Variants in DELE1 observed in about 807,000 individuals in gnomAD.
The protein encoded by DELE1 is death ligand signal enhancer.
DELE1 carries 54 observed loss-of-function variants against 59.3 expected under a neutral mutation model. That is an observed-to-expected ratio of 0.91 (90% CI 0.73 to 1.14). The LOEUF is 1.14. Among genes scored for constraint, DELE1 ranks in the 50% most tolerant of loss-of-function variants. The pLI is 0.00. For synonymous variants in DELE1, 264 were observed against 259.1 expected (o/e 1.02, Z -0.18); for missense variants, 636 against 643.9 (o/e 0.99, Z 0.13).
Position 141,928,232 on chromosome 5 carries a change from GAACACTGCTCCT to G in DELE1, c.347_358del (p.Glu116_Trp120delinsGly). 6.2e-7 allele frequency: 1 copy of G among 1,614,218 alleles called. No homozygotes were observed. The highest frequency in any genetic ancestry group is 1.3e-5 in the African/African-American group (1 of 75,070). Reference sequence around the variant, plus strand: ...CCTGCCAGCAGGACCTCAGCGGGTAGAACACTGCTCCTGGCACAGTCCCCTGGACCGTTTCTT... The same window carrying G: ...CCTGCCAGCAGGACCTCAGCGGGTAGGGCACAGTCCCCTGGACCGTTTCTT... On this transcript the variant is annotated inframe_deletion, in exon 4 of 12. Coordinates refer to ENST00000432126, the MANE Select transcript of DELE1 (RefSeq NM_014773.5).
intron 4 of DELE1, among the ~76,000 whole-genome samples, chr5:141,929,130 G>A (rs1751667311): frequency 6.6e-6 from 1 of 152,124 alleles, no homozygotes; most frequent in African/African-American, 2.4e-5. Context: ...GGAAACAGAG[G>A]AGGAGGAGTG....
At chr5:141,933,474 AG>A in intron 8 of DELE1, 73 bp downstream of exon 8, 2 of 1,211,576 alleles carry the variant, frequency 1.7e-6, no homozygotes, top group Non-Finnish European at 1.1e-6. Context: ...AGCAGTGGGC[AG>A]GGATGGGGGA....
At chr5:141,934,668 G>A in intron 10 of DELE1, 82 bp downstream of exon 10, 1 of 1,312,120 alleles carries the variant, frequency 7.6e-7, no homozygotes, top group Admixed American at 1.7e-5. Flanking sequence ...GAGTTCTTCT[G>A]TGCTTAGGAG....
intron 10 of DELE1, chr5:141,936,924 A>G (rs1752407176): frequency 1.7e-6 from 2 of 1,206,050 alleles, no homozygotes; most frequent in East Asian, 7.5e-5. Context: ...TTCGTTGTGC[A>G]TGCTTTCAGC....
rs1195435984 is a variant in DELE1 at position 141,940,523 on chromosome 5, C to T, written c.*1764C>T. The T allele has an allele frequency of 9.1e-6, 9 of 985,418 alleles. No individual in the cohort carries two copies. The highest frequency in any genetic ancestry group is 1.1e-5 in the Non-Finnish European group (9 of 829,936). 61.0% of individuals were successfully genotyped at this position (985,418 alleles called of 1,614,324 possible). On this transcript the variant is annotated 3_prime_UTR_variant, in exon 12 of 12. Coordinates refer to ENST00000432126, the MANE Select transcript of DELE1 (RefSeq NM_014773.5). The stretch of plus-strand genomic sequence containing the variant: ...AGAAGATTTGAGGGGGGAAAGTTGT[C>T]CACGTTTCCCTCTCTGCTTCCCACC...
Position 141,925,412 on chromosome 5 carries a change from C to G in DELE1, c.149C>G (p.Ser50Ter). Residue 50 changes from serine (S) to a stop codon, truncating the protein, a stop_gained and splice_region_variant, in exon 3 of 12, where the codon TCA (serine) becomes TGA (stop). Transcript: ENST00000432126. LOFTEE classifies it high-confidence loss of function. ...LLVPVPNLDR[S>*]GPHGPGTSGG... ...TAGCCTCTTATTTCATCATCTAGGT[C>G]AGGTCCCCATGGCCCAGGCACGAGC... 6 of 1,576,752 alleles carry G rather than the reference C, an allele frequency of 3.8e-6. No individual in the cohort carries two copies. The highest frequency in any genetic ancestry group is 5.2e-6 in the Non-Finnish European group (6 of 1,161,746).
chr5:141,936,864 G>A (rs1187918072), intron 10 of DELE1: 42 of 985,272 alleles, frequency 4.3e-5, no homozygotes, highest in Non-Finnish European at 4.8e-5. Flanking sequence ...GGCAACATAG[G>A]AGCCCGACTC....
Position 141,930,186 on chromosome 5 carries a change from TAAATC to T in DELE1, c.670_674del (p.Ser224AsnfsTer5). On this transcript the variant is annotated frameshift_variant, in exon 7 of 12. Coordinates refer to ENST00000432126, the MANE Select transcript of DELE1 (RefSeq NM_014773.5). LOFTEE classifies it high-confidence loss of function. ...TTATATTTCTTTCCCAGGAACAAGA[TAAATC>T]AAAAACTCTTTCCCTTGAGGAGGCT... The T allele has an allele frequency of 6.2e-7, 1 of 1,613,328 alleles. No individual in the cohort carries two copies. Among genetic ancestry groups the T allele is most frequent in the Non-Finnish European group, 8.5e-7 (1 of 1,179,342 alleles).
Position 141,939,308 on chromosome 5 carries a change from G to A in DELE1, c.*549G>A. 2 of 731,416 alleles carry A rather than the reference G, an allele frequency of 2.7e-6. No individual in the cohort carries two copies. The highest frequency in any genetic ancestry group is 3.3e-6 in the Non-Finnish European group (2 of 598,450). The allele number at this position is 731,416 out of a possible 1,614,324, so 45.3% of individuals were successfully genotyped here. On this transcript the variant is annotated 3_prime_UTR_variant, in exon 12 of 12. Coordinates refer to ENST00000432126, the MANE Select transcript of DELE1 (RefSeq NM_014773.5). ...ATAAAGCTAACTGTAAAAAAAAATA[G>A]TGAATCAGTTTAAAGAAAAACATAA...
At position 141,925,441 on chromosome 5, in the gene DELE1, G is replaced by A. The variant is rs1751320423; in HGVS notation, c.178G>A (p.Gly60Ser). Residue 60 changes from glycine to serine, a missense_variant, in exon 3 of 12, where the codon GGT (glycine) becomes AGT (serine). Transcript: ENST00000432126. Reference protein sequence around the residue: ...SGPHGPGTSGGPRSHGWKDAF... With the variant: ...SGPHGPGTSGSPRSHGWKDAF... ...TCCCCATGGCCCAGGCACGAGCGGG[G>A]GTCCAAGGTCCCATGGATGGAAGGA... 6.3e-7 allele frequency: 1 copy of A among 1,599,702 alleles called. No homozygotes were observed. Among genetic ancestry groups the A allele is most frequent in the Non-Finnish European group, 8.5e-7 (1 of 1,173,358 alleles).
At chr5:141,932,005 C>T (rs1751951238) in intron 7 of DELE1, among the ~76,000 whole-genome samples, 1 of 152,208 alleles carries the variant, frequency 6.6e-6, no homozygotes, top group Admixed American at 6.5e-5. Flanking sequence ...CATTCTTTTT[C>T]TGCTTCTGCC....
Position 141,923,907 on chromosome 5 carries a change from T to G in DELE1, c.-35T>G, listed in dbSNP as rs1398491863. 2.5e-6 allele frequency: 4 copies of G among 1,589,394 alleles called. No homozygotes were observed. The highest frequency in any genetic ancestry group is 3.4e-6 in the Non-Finnish European group (4 of 1,168,164). ...CTGTCCCAAGGGTTGGTCTCGCGCT[T>G]TCGGCTGCGAGCTCTCTGTGGTGCT... is the stretch of plus-strand genomic sequence containing the variant. On this transcript the variant is annotated 5_prime_UTR_variant, in exon 1 of 12. Transcript: ENST00000432126.
intron 3 of DELE1, 23 bp downstream of exon 3, chr5:141,925,550 C>G: frequency 6.7e-7 from 1 of 1,491,302 alleles, no homozygotes; most frequent in Non-Finnish European, 9.2e-7. Context: ...CAGCCTGGTC[C>G]TTGACCTTCA....
rs1752766273 is a variant in DELE1 at position 141,941,953 on chromosome 5, C to T, written c.*3194C>T. 1.0e-6 allele frequency: 1 copy of T among 984,956 alleles called. No homozygotes were observed. Among genetic ancestry groups the T allele is most frequent in the Admixed American group, 6.1e-5 (1 of 16,262 alleles). 61.0% of individuals were successfully genotyped at this position (984,956 alleles called of 1,614,324 possible). ...TTCTGTATTGCCCCCCACTCGCCGC[C>T]TATACACACGCACACACGCACACAC... On this transcript the variant is annotated 3_prime_UTR_variant, in exon 12 of 12. Coordinates refer to ENST00000432126, the MANE Select transcript of DELE1 (RefSeq NM_014773.5).
rs2286522 is a variant in DELE1 at position 141,934,718 on chromosome 5, C to T, written c.1149+132C>T. On this transcript the variant is annotated intron_variant, in intron 10 of 11. Transcript: ENST00000432126. ...GCCTTGGCCTGGCTTCAAGCCTTAGCGCTCACTGACTTACTGTGTGACCGT... is the reference window on the plus strand; with the variant it reads ...GCCTTGGCCTGGCTTCAAGCCTTAGTGCTCACTGACTTACTGTGTGACCGT... The T allele has an allele frequency of 1.7e-3, 1,450 of 837,594 alleles. 33 individuals are homozygous for T. In the East Asian group the frequency reaches 0.032, roughly 19 times the overall value. 51.9% of individuals were successfully genotyped at this position (837,594 alleles called of 1,614,324 possible). A position where few individuals can be genotyped will look rare whatever the true frequency, so the allele number is the denominator to read the frequency against.
At chr5:141,932,045 C>T (rs1231057123) in intron 7 of DELE1, among the ~76,000 whole-genome samples, 2 of 152,196 alleles carry the variant, frequency 1.3e-5, no homozygotes, top group Admixed American at 1.3e-4. Flanking sequence ...ATTGAGGAGA[C>T]AGGACTTGTA....
At position 141,928,153 on chromosome 5, in the gene DELE1, C is replaced by T. The variant is rs2126871075; in HGVS notation, c.267C>T (p.Gly89=). The change falls in exon 4 of 12, where the codon GGC becomes GGT. Residue 89 remains glycine, a splice_region_variant and synonymous_variant. Coordinates refer to ENST00000432126, the MANE Select transcript of DELE1 (RefSeq NM_014773.5). ...CCTTAACGTGCTGTCTTTCCCAGGG[C>T]ACTCTGGCCGTGCTGGCCCTGCAGC... ...PNTLWDAISW[G]TLAVLALQLA... 3 of 1,613,006 alleles carry T rather than the reference C, an allele frequency of 1.9e-6. No homozygotes were observed. The highest frequency in any genetic ancestry group is 2.5e-6 in the Non-Finnish European group (3 of 1,179,374).
In DELE1 at chr5:141,938,707, C is replaced by T. The variant is rs372819273; in HGVS notation, c.1496C>T (p.Pro499Leu). The T allele has an allele frequency of 1.8e-5, 29 of 1,613,990 alleles. No individual in the cohort carries two copies. In the African/African-American group the frequency reaches 3.2e-4, roughly 18 times the overall value. Reference protein sequence around the residue: ...ASLEASSRAIPPHPYPLERSV... With the variant: ...ASLEASSRAILPHPYPLERSV... ...CTGGAAGCCTCCAGCAGGGCTATTC[C>T]CCCACACCCCTACCCACTGGAAAGG... Residue 499 changes from proline to leucine, a missense_variant, in exon 12 of 12, where the codon CCC becomes CTC. By Grantham distance (98) the Pro-to-Leu change is moderately conservative. Coordinates refer to ENST00000432126, the MANE Select transcript of DELE1 (RefSeq NM_014773.5).
At position 141,926,928 on chromosome 5, in the gene DELE1, T is replaced by C. The variant is rs1331939743; in HGVS notation, c.265-1223T>C. Among the ~76,000 whole-genome samples, 5 of 152,358 alleles carry C rather than the reference T, an allele frequency of 3.3e-5. No homozygotes were observed. In the East Asian group the frequency reaches 7.7e-4, roughly 24 times the overall value. ...CGCAAGCTGTCCTCAGTACCATGGA[T>C]ACTTGTCTCTGTTCTTCACAATGCT... On this transcript the variant is annotated intron_variant, in intron 3 of 11. Coordinates refer to ENST00000432126, the MANE Select transcript of DELE1 (RefSeq NM_014773.5).
Sources: allele counts gnomAD v4.1 joint callset (sites outside exome capture counted in the v4.1 genomes callset), GRCh38; gene constraint gnomAD v4.1.1; transcripts MANE v1.5; gene names NCBI Gene and HGNC (gene_info 2026-07-23, HGNC 2026-07-21).